The following ZNF827 variants were observed in gnomAD, a reference collection of about 807,000 sequenced individuals.
The protein encoded by ZNF827 is zinc finger protein 827.
ZNF827 carries 13 observed loss-of-function variants against 102.4 expected under a neutral mutation model. The observed-to-expected ratio is 0.13, with a 90% CI of 0.08 to 0.20. The LOEUF is 0.20. Among genes scored for constraint, ZNF827 ranks in the 10% least tolerant of loss-of-function variants. The pLI, the probability that ZNF827 is intolerant of heterozygous loss-of-function variation, is 1.00. For synonymous variants in ZNF827, 523 were observed against 536.2 expected, an observed-to-expected ratio of 0.98 and a Z score of 0.34; for missense variants, 1,103 against 1,344.4, an observed-to-expected ratio of 0.82 and a Z score of 2.81.
At chr4:145,873,282 T>C (rs1748869428) in intron 4 of ZNF827, among the ~76,000 whole-genome samples, 1 of 152,192 alleles carries the variant, frequency 6.6e-6, no homozygotes, top group Non-Finnish European at 1.5e-5. Flanking sequence ...CCCTGAATAG[T>C]GCCTGGTACA....
At chr4:145,780,864 A>G (rs553309533) in intron 8 of ZNF827, among the ~76,000 whole-genome samples, 1 of 152,248 alleles carries the variant, frequency 6.6e-6, no homozygotes, top group Non-Finnish European at 1.5e-5. Context: ...ATGTGGTGAT[A>G]ATTGAATGGT....
intron 1 of ZNF827, among the ~76,000 whole-genome samples, chr4:145,917,700 C>CA (rs763617063): frequency 0.28 from 12,849 of 46,586 alleles, 2,747 homozygotes; most frequent in African/African-American, 0.4. Flanking sequence ...GGTAGCTGGT[C>CA]AAAAAAAAAA....
intron 8 of ZNF827, among the ~76,000 whole-genome samples, chr4:145,807,132 G>A (rs1337386417): frequency 6.6e-6 from 1 of 152,150 alleles, no homozygotes; most frequent in Non-Finnish European, 1.5e-5. Context: ...GCCAAAATTT[G>A]TTGGAATTTC....
chr4:145,903,223 G>C lies in ZNF827; in HGVS notation c.44-8C>G, dbSNP rs753863854. Reference sequence around the variant, plus strand: ...CTTCCTGCCTACTAACATCTGGGGAGAATTAAGAAGATCAGGTTTACTCCC... The same window carrying C: ...CTTCCTGCCTACTAACATCTGGGGACAATTAAGAAGATCAGGTTTACTCCC... On this transcript the variant is annotated splice_region_variant and splice_polypyrimidine_tract_variant and intron_variant, in intron 1 of 14. Coordinates refer to ENST00000508784, the MANE Select transcript of ZNF827 (RefSeq NM_001306215.2). 34 of 1,594,476 alleles carry C rather than the reference G, an allele frequency of 2.1e-5. No individual in the cohort carries two copies. In the South Asian group the frequency reaches 3.6e-4, roughly 17 times the overall value.
At chr4:145,875,929 T>C (rs970979756) in intron 4 of ZNF827, among the ~76,000 whole-genome samples, 2 of 152,212 alleles carry the variant, frequency 1.3e-5, no homozygotes, top group African/African-American at 2.4e-5. Flanking sequence ...TTAATTAATT[T>C]AAAATTTAAG....
intron 5 of ZNF827, among the ~76,000 whole-genome samples, chr4:145,855,548 G>A (rs145558310): frequency 5.3e-5 from 8 of 151,608 alleles, no homozygotes; most frequent in South Asian, 4.2e-4. Flanking sequence ...ACTGGCACCC[G>A]CTGGCATCTG....
At chr4:145,768,890 AATATATATAT>A (rs1553975846) in intron 11 of ZNF827, among the ~76,000 whole-genome samples, 3 of 7,724 alleles carry the variant, frequency 3.9e-4, no homozygotes, top group African/African-American at 1.0e-3. Flanking sequence ...AAAAAAAAAA[AATATATATAT>A]ATATATATAT....
intron 1 of ZNF827, among the ~76,000 whole-genome samples, chr4:145,924,778 G>A (rs1171939411): frequency 6.6e-6 from 1 of 152,142 alleles, no homozygotes; most frequent in Non-Finnish European, 1.5e-5. Flanking sequence ...TCTCTTATCT[G>A]GGCCAACCCC....
intron 5 of ZNF827, among the ~76,000 whole-genome samples, chr4:145,850,861 G>A (rs527937329): frequency 1.6e-4 from 24 of 152,156 alleles, no homozygotes; most frequent in Non-Finnish European, 3.2e-4. Context: ...CCTAATCATG[G>A]GAACTTGTGA....
chr4:145,883,074 A>G (rs1749810030), intron 4 of ZNF827, among the ~76,000 whole-genome samples: 1 of 152,136 alleles, frequency 6.6e-6, no homozygotes, highest in African/African-American at 2.4e-5. Context: ...AAAAAAAAAA[A>G]AAATCGCTCT....
At chr4:145,764,386 T>C (rs1734965266) in intron 13 of ZNF827, among the ~76,000 whole-genome samples, 1 of 152,204 alleles carries the variant, frequency 6.6e-6, no homozygotes. Context: ...TATTAGTTGA[T>C]TGGTCTCACT....
At chr4:145,892,542 C>T (rs977097297) in intron 2 of ZNF827, 127 bp from the exon 3 acceptor site, 21 of 1,028,164 alleles carry the variant, frequency 2.0e-5, no homozygotes, top group Admixed American at 1.8e-4. Context: ...TTGACAATTC[C>T]GAGATTTTAT....
At chr4:145,864,444 A>G (rs1017865729) in intron 5 of ZNF827, among the ~76,000 whole-genome samples, 1 of 144,212 alleles carries the variant, frequency 6.9e-6, no homozygotes, top group African/African-American at 2.5e-5. Context: ...AAAAAAAAAA[A>G]TTAGCTGAGT....
chr4:145,907,057 T>C (rs1325324923), intron 1 of ZNF827: 3 of 456,640 alleles, frequency 6.6e-6, no homozygotes, highest in Non-Finnish European at 1.3e-5. Context: ...ATTCTGGCAA[T>C]ACCTGAGGTT....
chr4:145,835,644 A>AT (rs1209632131), intron 7 of ZNF827, among the ~76,000 whole-genome samples: 6 of 149,282 alleles, frequency 4.0e-5, no homozygotes, highest in Non-Finnish European at 7.4e-5. Context: ...ACCCACAAGT[A>AT]TAAGATACCT....
intron 1 of ZNF827, among the ~76,000 whole-genome samples, chr4:145,928,146 G>A (rs532554737): frequency 1.3e-5 from 2 of 152,298 alleles, no homozygotes; most frequent in African/African-American, 4.8e-5. Flanking sequence ...TCAATAAGCT[G>A]ACCAGGCTCA....
At chr4:145,918,508 CAAA>C (rs369146146) in intron 1 of ZNF827, among the ~76,000 whole-genome samples, 1 of 132,242 alleles carries the variant, frequency 7.6e-6, no homozygotes. Context: ...GACCCAGTCT[CAAA>C]AAAAAAAAAA....
intron 2 of ZNF827, among the ~76,000 whole-genome samples, chr4:145,895,163 A>G (rs1257147966): frequency 2.0e-5 from 3 of 152,180 alleles, no homozygotes; most frequent in Non-Finnish European, 2.9e-5. Flanking sequence ...GATGTTTTCC[A>G]CTGACCTGAG....
At chr4:145,845,839 G>A in intron 7 of ZNF827, 117 bp downstream of exon 7, 1 of 968,890 alleles carries the variant, frequency 1.0e-6, no homozygotes. Flanking sequence ...GGTGGTAAAG[G>A]GTGTGACTCC....
Sources: allele counts gnomAD v4.1 joint callset (sites outside exome capture counted in the v4.1 genomes callset), GRCh38; gene constraint gnomAD v4.1.1; transcripts MANE v1.5; gene names NCBI Gene and HGNC (gene_info 2026-07-23, HGNC 2026-07-21).